EEF1AKMT1: variants seen among roughly 807,000 people sequenced by gnomAD.
EEF1AKMT1 encodes the protein N-6 adenine-specific DNA methyltransferase 2 (putative).
A neutral mutation model predicts 21.0 loss-of-function variants in EEF1AKMT1; 18 were observed. The observed-to-expected ratio is 0.86, with a 90% CI of 0.59 to 1.27. The LOEUF (loss-of-function observed/expected upper bound fraction) is 1.27. EEF1AKMT1 is among the 50% of genes most tolerant of loss of function. The pLI is 0.00. For missense variants in EEF1AKMT1, 246 were observed against 258.6 expected, an observed-to-expected ratio of 0.95 and a Z score of 0.33; for synonymous variants, 109 against 94.8, an observed-to-expected ratio of 1.15 and a Z score of -0.87.
At chr13:20,761,686 T>A (rs1030572327) in intron 1 of EEF1AKMT1, among the ~76,000 whole-genome samples, 6 of 152,324 alleles carry the variant, frequency 3.9e-5, no homozygotes, top group Middle Eastern at 3.4e-3. Flanking sequence ...AAGAACTGAA[T>A]CCCTGTACTA....
chr13:20,737,962 G>A (rs2058835725), intron 2 of EEF1AKMT1, among the ~76,000 whole-genome samples, 157 bp from the exon 3 acceptor site: 1 of 151,920 alleles, frequency 6.6e-6, no homozygotes, highest in Admixed American at 6.6e-5. Context: ...TTTTTCTTTT[G>A]AAAATTAATT....
rs544513242 is a variant in EEF1AKMT1, at chr13:20,764,808, C to T, written c.-19-7191G>A. On this transcript the variant is annotated intron_variant, in intron 1 of 4. Coordinates refer to ENST00000382758, the MANE Select transcript of EEF1AKMT1 (RefSeq NM_001318939.2). ...TACTCTTATAAGTCTACTTTACCTG[C>T]TATCAATAAAAGTGCTCATGCTTTT... is the stretch of plus-strand genomic sequence containing the variant. Among the ~76,000 whole-genome samples, 109 of 150,022 alleles carry T rather than the reference C, an allele frequency of 7.3e-4. 1 individual carries two copies. The highest frequency in any genetic ancestry group is 3.4e-3 in the Middle Eastern group (1 of 294).
intron 1 of EEF1AKMT1, among the ~76,000 whole-genome samples, chr13:20,760,722 T>G (rs2058997288): frequency 6.6e-6 from 1 of 152,060 alleles, no homozygotes; most frequent in African/African-American, 2.4e-5. Flanking sequence ...ATATACATAC[T>G]CTAAAAAATT....
intron 1 of EEF1AKMT1, among the ~76,000 whole-genome samples, chr13:20,765,678 T>G (rs1045727898): frequency 2.0e-5 from 3 of 152,108 alleles, no homozygotes; most frequent in Admixed American, 2.0e-4. Context: ...CCCAAAGTGC[T>G]GGGATTACAG....
In EEF1AKMT1 at chr13:20,773,529, G is replaced by A. The variant is rs191010648; in HGVS notation, c.-20+392C>T. Among the ~76,000 whole-genome samples, 134 of 152,220 alleles carry A rather than the reference G, an allele frequency of 8.8e-4. 1 individual carries two copies. The highest frequency in any genetic ancestry group is 3.2e-3 in the African/African-American group (131 of 41,456). On this transcript the variant is annotated intron_variant, in intron 1 of 4. Coordinates refer to ENST00000382758, the MANE Select transcript of EEF1AKMT1 (RefSeq NM_001318939.2). ...CAAACTCCATCAGCGAACTTCTGAG[G>A]GCAAAGATGAAAAGGACAGCAGGCC...
chr13:20,764,962 G>A (rs145638411), intron 1 of EEF1AKMT1, among the ~76,000 whole-genome samples: 16 of 148,820 alleles, frequency 1.1e-4, no homozygotes, highest in Middle Eastern at 3.4e-3. Flanking sequence ...TATAGTTTTC[G>A]TCTAAAAAAA....
chr13:20,743,483 A>C (rs1230172416), intron 2 of EEF1AKMT1, among the ~76,000 whole-genome samples: 2 of 151,260 alleles, frequency 1.3e-5, no homozygotes, highest in African/African-American at 4.9e-5. Flanking sequence ...GACTCAATTT[A>C]CATCTGTCAC....
In EEF1AKMT1 at chr13:20,738,839, G is replaced by A. The variant is rs570046469; in HGVS notation, c.145-1034C>T. Among the ~76,000 whole-genome samples the A allele has an allele frequency of 7.9e-4, 121 of 152,320 alleles. 1 individual carries two copies. Among genetic ancestry groups the A allele is most frequent in the African/African-American group, 2.8e-3 (117 of 41,566 alleles). On this transcript the variant is annotated intron_variant, in intron 2 of 4. Coordinates refer to ENST00000382758, the MANE Select transcript of EEF1AKMT1 (RefSeq NM_001318939.2). ...TGTTGGGAGGATTGAGGGATTAGGA[G>A]GTGACAGCTGAAAAACATATGGTTT...
At chr13:20,739,174 C>G (rs541489181) in intron 2 of EEF1AKMT1, among the ~76,000 whole-genome samples, 34 of 151,132 alleles carry the variant, frequency 2.2e-4, no homozygotes, top group African/African-American at 8.1e-4. Context: ...CGAAGTTGTT[C>G]TTTGCTCCCA....
rs951600060 is a variant in EEF1AKMT1 at position 20,772,978 on chromosome 13, C to A, written c.-20+943G>T. ...TCCAGTAAACCGCAGGAGAGCAAGGCTCCCTCTATGAATGGGTAAGGCCTA... is the reference window on the plus strand; with the variant it reads ...TCCAGTAAACCGCAGGAGAGCAAGGATCCCTCTATGAATGGGTAAGGCCTA... On this transcript the variant is annotated intron_variant, in intron 1 of 4. Transcript: ENST00000382758. Among the ~76,000 whole-genome samples, 10 of 152,268 alleles carry A rather than the reference C, an allele frequency of 6.6e-5. No individual in the cohort carries two copies. In the South Asian group the frequency reaches 1.7e-3, roughly 25 times the overall value.
intron 2 of EEF1AKMT1, among the ~76,000 whole-genome samples, chr13:20,748,715 G>GGTTTTTTGTT (rs1555326495): frequency 1.0e-4 from 11 of 105,810 alleles, no homozygotes; most frequent in African/African-American, 4.1e-4. Flanking sequence ...ATGTATAGTT[G>GGTTTTTTGTT]TTTTTTTTTG....
intron 3 of EEF1AKMT1, among the ~76,000 whole-genome samples, chr13:20,735,777 A>C (rs1179104814): frequency 6.6e-6 from 1 of 152,200 alleles, no homozygotes; most frequent in Non-Finnish European, 1.5e-5. Flanking sequence ...GAGACTATGG[A>C]GGGAGAAGAG....
chr13:20,731,727 A>G, intron 4 of EEF1AKMT1, 114 bp downstream of exon 4: 1 of 1,082,826 alleles, frequency 9.2e-7, no homozygotes, highest in South Asian at 1.5e-5. Context: ...AAAGAGTTAA[A>G]TAACTTGTTC....
chr13:20,763,579 A>G lies in EEF1AKMT1; in HGVS notation c.-19-5962T>C, dbSNP rs541148722. ...GCGATTTTCCAGCCTCAGCCTCCCA[A>G]ATAGCTGGGATTACAGGTGCCTACC... On this transcript the variant is annotated intron_variant, in intron 1 of 4. Transcript: ENST00000382758. Among the ~76,000 whole-genome samples the G allele has an allele frequency of 7.2e-5, 11 of 151,956 alleles. No individual in the cohort carries two copies. In the South Asian group the frequency reaches 1.0e-3, roughly 14 times the overall value.
At position 20,761,886 on chromosome 13, in the gene EEF1AKMT1, C is replaced by T. The variant is rs566380118; in HGVS notation, c.-19-4269G>A. 7.8e-4 allele frequency among the ~76,000 whole-genome samples: 119 copies of T among 152,292 alleles called. 1 individual carries two copies. The highest frequency in any genetic ancestry group is 2.8e-3 in the African/African-American group (118 of 41,556). ...GTGGGAGGCTGAGACAGGAGGATCA[C>T]TTGAGCCTAGGAGCAGCCTGGGCAA... is the stretch of plus-strand genomic sequence containing the variant. On this transcript the variant is annotated intron_variant, in intron 1 of 4. Coordinates refer to ENST00000382758, the MANE Select transcript of EEF1AKMT1 (RefSeq NM_001318939.2).
intron 3 of EEF1AKMT1, among the ~76,000 whole-genome samples, chr13:20,733,871 G>A (rs534900390): frequency 3.9e-4 from 59 of 152,308 alleles, no homozygotes; most frequent in Middle Eastern, 6.8e-3. Flanking sequence ...AATGTGTGAC[G>A]CATTTCCAAC....
chr13:20,756,273 T>TA lies in EEF1AKMT1; in HGVS notation c.144+1181dup, dbSNP rs540204579. Among the ~76,000 whole-genome samples, 286 of 148,900 alleles carry TA rather than the reference T, an allele frequency of 1.9e-3. 10 individuals carry two copies. In the South Asian group the frequency reaches 0.027, roughly 14 times the overall value. ...TTTTCTGTTTCCCAACTATTTCCTT[T>TA]AAAAAAAAAAATTATAGGTTCCAGG... On this transcript the variant is annotated intron_variant, in intron 2 of 4. Transcript: ENST00000382758.
intron 2 of EEF1AKMT1, among the ~76,000 whole-genome samples, chr13:20,753,578 G>T (rs914843594): frequency 8.5e-5 from 13 of 152,106 alleles, no homozygotes; most frequent in Admixed American, 7.2e-4. Context: ...AATAAGATCT[G>T]CTTTATACCT....
At chr13:20,749,934 T>A (rs371030111) in intron 2 of EEF1AKMT1, among the ~76,000 whole-genome samples, 9 of 152,338 alleles carry the variant, frequency 5.9e-5, no homozygotes, top group Admixed American at 3.9e-4. Flanking sequence ...TAATCATGTA[T>A]CTTAATGAGG....
Sources: gnomAD v4.1 joint callset for allele counts (sites outside exome capture counted in the v4.1 genomes callset) on GRCh38, gnomAD v4.1.1 for gene constraint, MANE v1.5 for transcripts, NCBI Gene and HGNC (gene_info 2026-07-23, HGNC 2026-07-21) for gene names.